RNF216: variants seen among roughly 807,000 people sequenced by gnomAD.
RNF216 encodes ring finger protein 216.
RNF216 carries 72 observed loss-of-function variants against 110.8 expected under a neutral mutation model. That is an observed-to-expected ratio of 0.65 (90% CI 0.54 to 0.79). The LOEUF is 0.79. Ranked by LOEUF, RNF216 falls within the 30% of genes least tolerant of loss-of-function variation. The pLI is 0.00. For missense variants in RNF216, 1,342 were observed against 1,141.2 expected (o/e 1.18, Z -2.54); for synonymous variants, 495 against 407.5 (o/e 1.21, Z -2.59).
intron 14 of RNF216, among the ~76,000 whole-genome samples, chr7:5,644,744 A>C (rs554908921): frequency 7.4e-4 from 113 of 151,976 alleles, no homozygotes; most frequent in South Asian, 6.7e-3. Flanking sequence ...GGCTTAAGCT[A>C]TCTGCCCGAC....
At chr7:5,755,411 G>C (rs1034987625) in intron 2 of RNF216, among the ~76,000 whole-genome samples, 1 of 152,140 alleles carries the variant, frequency 6.6e-6, no homozygotes, top group Admixed American at 6.6e-5. Flanking sequence ...AAGTGTACAA[G>C]CTCTATGAAT....
chr7:5,714,997 T>A (rs1275926631), intron 11 of RNF216, 56 bp downstream of exon 11: 35 of 1,499,382 alleles, frequency 2.3e-5, no homozygotes, highest in Non-Finnish European at 3.1e-5. Context: ...CAACATGGTC[T>A]CCTTAGACTC....
intron 14 of RNF216, among the ~76,000 whole-genome samples, chr7:5,644,786 A>G (rs1188348658): frequency 6.6e-6 from 1 of 150,416 alleles, no homozygotes; most frequent in Non-Finnish European, 1.5e-5. Flanking sequence ...GATTACATGC[A>G]TGAGCCACTG....
At chr7:5,712,462 G>C (rs1584494543) in intron 12 of RNF216, among the ~76,000 whole-genome samples, 1 of 147,878 alleles carries the variant, frequency 6.8e-6, no homozygotes, top group East Asian at 2.0e-4. Context: ...GACAGAGCGA[G>C]AATCCACCTC....
chr7:5,670,272 T>C (rs1789817677), intron 13 of RNF216, among the ~76,000 whole-genome samples: 1 of 151,942 alleles, frequency 6.6e-6, no homozygotes, highest in Admixed American at 6.6e-5. Context: ...TGTGAGACTT[T>C]CAGGATCCAT....
intron 15 of RNF216, 80 bp downstream of exon 15, chr7:5,641,074 C>T (rs923544978): frequency 1.0e-5 from 12 of 1,145,700 alleles, no homozygotes; most frequent in East Asian, 1.0e-4. Context: ...AATTTTGTTA[C>T]GTATATTCAA....
At chr7:5,740,245 G>A (rs1331450085) in intron 4 of RNF216, among the ~76,000 whole-genome samples, 5 of 150,018 alleles carry the variant, frequency 3.3e-5, no homozygotes, top group African/African-American at 5.0e-5. Context: ...TCCTGCCTCA[G>A]CCTCCCAAGA....
chr7:5,671,921 C>T (rs921008403), intron 13 of RNF216, among the ~76,000 whole-genome samples: 2 of 151,796 alleles, frequency 1.3e-5, no homozygotes, highest in African/African-American at 2.4e-5. Flanking sequence ...AGAGGGGCCT[C>T]ACAAGAAACG....
rs1462251417 is a variant in RNF216 at position 5,740,900 on chromosome 7, TGCA to T, written c.1044+70_1044+72del. 3.8e-4 allele frequency: 550 copies of T among 1,429,744 alleles called. 2 individuals carry two copies. The African/African-American group carries it at 6.0e-3, about 16-fold the overall frequency. The allele number at this position is 1,429,744 out of a possible 1,614,324, so 88.6% of individuals were successfully genotyped here. A position where few individuals can be genotyped will look rare whatever the true frequency, so the allele number is the denominator to read the frequency against. ...CACGCATACCAACAACTTTTTTTTT[TGCA>T]ATGAAAAAAAAAAAAGAAAAAAACT... is the stretch of plus-strand genomic sequence containing the variant. On this transcript the variant is annotated intron_variant, in intron 4 of 16. Transcript: ENST00000389902.
At chr7:5,674,582 C>T (rs561392227) in intron 13 of RNF216, among the ~76,000 whole-genome samples, 1 of 151,984 alleles carries the variant, frequency 6.6e-6, no homozygotes, top group East Asian at 1.9e-4. Flanking sequence ...GACCTATGAT[C>T]GCACCACTGC....
At chr7:5,656,336 A>G (rs1788740003) in intron 13 of RNF216, among the ~76,000 whole-genome samples, 2 of 152,322 alleles carry the variant, frequency 1.3e-5, no homozygotes, top group Middle Eastern at 3.4e-3. Flanking sequence ...CATGTTTAAC[A>G]TGATAACCAC....
intron 13 of RNF216, among the ~76,000 whole-genome samples, chr7:5,698,535 G>A (rs1791772637): frequency 6.6e-6 from 1 of 152,108 alleles, no homozygotes; most frequent in African/African-American, 2.4e-5. Flanking sequence ...GACTACAGAT[G>A]CACAGCACCC....
chr7:5,625,343 A>C (rs965147112), intron 15 of RNF216, among the ~76,000 whole-genome samples: 2 of 152,246 alleles, frequency 1.3e-5, no homozygotes, highest in South Asian at 2.1e-4. Flanking sequence ...CAAGCAGTCT[A>C]ATGAAAGCAC....
intron 5 of RNF216, among the ~76,000 whole-genome samples, chr7:5,733,376 TAGG>T (rs1318393214): frequency 6.6e-6 from 1 of 152,116 alleles, no homozygotes; most frequent in African/African-American, 2.4e-5. Context: ...ACTCAGGAAG[TAGG>T]AGAACAGAAC....
intron 1 of RNF216, among the ~76,000 whole-genome samples, chr7:5,769,208 C>A (rs1190317331): frequency 6.6e-6 from 1 of 151,410 alleles, no homozygotes; most frequent in African/African-American, 2.4e-5. Flanking sequence ...GCCTCTGCCT[C>A]CTGTGTTCAA....
At chr7:5,727,744 A>C (rs1208867819) in intron 7 of RNF216, among the ~76,000 whole-genome samples, 1 of 151,924 alleles carries the variant, frequency 6.6e-6, no homozygotes, top group East Asian at 1.9e-4. Flanking sequence ...AAGAATAACC[A>C]TGATGATGAT....
intron 13 of RNF216, among the ~76,000 whole-genome samples, chr7:5,710,188 C>T (rs1792578460): frequency 6.6e-6 from 1 of 152,064 alleles, no homozygotes; most frequent in Non-Finnish European, 1.5e-5. Context: ...GGTGAAACCT[C>T]ATCTCTACTA....
chr7:5,645,265 A>C (rs1787985821), intron 14 of RNF216, among the ~76,000 whole-genome samples: 1 of 151,394 alleles, frequency 6.6e-6, no homozygotes, highest in Admixed American at 6.6e-5. Context: ...GGATGTATAG[A>C]CTCTTGTTCT....
intron 13 of RNF216, among the ~76,000 whole-genome samples, chr7:5,690,413 GT>G (rs1410407959): frequency 1.3e-5 from 2 of 152,012 alleles, no homozygotes; most frequent in Non-Finnish European, 2.9e-5. Flanking sequence ...AGCTAGGTCA[GT>G]TTTGGTGACT....
Sources: allele counts gnomAD v4.1 joint callset (sites outside exome capture counted in the v4.1 genomes callset), GRCh38; gene constraint gnomAD v4.1.1; transcripts MANE v1.5; gene names NCBI Gene and HGNC (gene_info 2026-07-23, HGNC 2026-07-21).